Variants in SELENOI observed in about 807,000 individuals in gnomAD.
SELENOI encodes the protein selenoprotein I.
A neutral mutation model predicts 50.7 loss-of-function variants in SELENOI; 24 were observed. The ratio of observed to expected loss-of-function variants is 0.47; its 90% confidence interval spans 0.34 to 0.67. The LOEUF is 0.67. Among genes scored for constraint, SELENOI ranks in the 30% least tolerant of loss-of-function variants. The pLI, the probability that SELENOI is intolerant of heterozygous loss-of-function variation, is 0.01. For missense variants in SELENOI, 352 were observed against 461.4 expected, an observed-to-expected ratio of 0.76 and a Z score of 2.17; for synonymous variants, 155 against 170.2, an observed-to-expected ratio of 0.91 and a Z score of 0.70.
intron 7 of SELENOI, 35 bp from the exon 8 acceptor site, chr2:26,384,924 T>C (rs558632171): frequency 6.7e-7 from 1 of 1,482,642 alleles, no homozygotes; most frequent in South Asian, 1.2e-5. Context: ...TTATATGTAA[T>C]AATGTTCTTT....
chr2:26,366,315 A>T (rs1044971561), intron 3 of SELENOI, among the ~76,000 whole-genome samples: 2 of 152,000 alleles, frequency 1.3e-5, no homozygotes, highest in Non-Finnish European at 2.9e-5. Context: ...GTTTTTAAAA[A>T]TTTATTTATT....
At chr2:26,363,939 A>T (rs1371246926) in intron 1 of SELENOI, among the ~76,000 whole-genome samples, 9 of 152,104 alleles carry the variant, frequency 5.9e-5, no homozygotes, top group Admixed American at 1.3e-4. Flanking sequence ...ACAGGGTTTC[A>T]CCACGTTGGC....
In SELENOI at chr2:26,348,693, T is replaced by C. The variant is rs1040334012; in HGVS notation, c.57+2404T>C. ...AAGAGGGCAGGCCCTATGGCTGACT[T>C]TTTTTTTTTTTTCTTTAATAACATG... On this transcript the variant is annotated intron_variant, in intron 1 of 9. Coordinates refer to ENST00000260585, the MANE Select transcript of SELENOI (RefSeq NM_033505.4). Among the ~76,000 whole-genome samples, 6 of 57,932 alleles carry C rather than the reference T, an allele frequency of 1.0e-4. No individual in the cohort carries two copies. The East Asian group carries it at 1.2e-3, about 12-fold the overall frequency. The allele number at this position is 57,932 out of a possible 152,430, so 38.0% of individuals were successfully genotyped here. A position where few individuals can be genotyped will look rare whatever the true frequency, so the allele number is the denominator to read the frequency against.
Position 26,370,022 on chromosome 2 carries a change from T to G in SELENOI, c.310+2802T>G, listed in dbSNP as rs541090614. Reference sequence around the variant, plus strand: ...ACCCTGTGGCCTTCCGCAGCGTTTGTGTCCCTGGGTACTTGAGATTAGGGA... The same window carrying G: ...ACCCTGTGGCCTTCCGCAGCGTTTGGGTCCCTGGGTACTTGAGATTAGGGA... On this transcript the variant is annotated intron_variant, in intron 4 of 9. Transcript: ENST00000260585. 7.4e-3 allele frequency among the ~76,000 whole-genome samples: 1,109 copies of G among 149,986 alleles called. 16 individuals carry two copies. Among genetic ancestry groups the G allele is most frequent in the African/African-American group, 0.026 (1,041 of 39,972 alleles).
At position 26,389,398 on chromosome 2, in the gene SELENOI, G is replaced by T. The variant is rs1051763065; in HGVS notation, c.*295G>T. Reference sequence around the variant, plus strand: ...GTTTACAATGTTGTGATTCATGCAGGGTTAAAGATGCTTTGTTTTTATTTT... The same window carrying T: ...GTTTACAATGTTGTGATTCATGCAGTGTTAAAGATGCTTTGTTTTTATTTT... On this transcript the variant is annotated 3_prime_UTR_variant, in exon 10 of 10. Transcript: ENST00000260585. 2.6e-5 allele frequency: 6 copies of T among 233,030 alleles called. No homozygotes were observed. The highest frequency in any genetic ancestry group is 5.0e-5 in the Non-Finnish European group (6 of 119,018). The allele number at this position is 233,030 out of a possible 1,614,324, so 14.4% of individuals were successfully genotyped here.
intron 2 of SELENOI, 115 bp from the exon 3 acceptor site, chr2:26,364,716 TC>T: frequency 1.5e-6 from 1 of 686,576 alleles, no homozygotes; most frequent in African/African-American, 1.8e-5. Context: ...CTATAACTTC[TC>T]CATATGATCT....
chr2:26,375,182 A>G (rs1432277631), intron 6 of SELENOI, 34 bp downstream of exon 6: 2 of 1,382,576 alleles, frequency 1.4e-6, no homozygotes, highest in African/African-American at 1.5e-5. Context: ...TGTTTTAACC[A>G]TCACTTTGTT....
At chr2:26,356,557 C>T (rs1677068651) in intron 1 of SELENOI, among the ~76,000 whole-genome samples, 1 of 152,170 alleles carries the variant, frequency 6.6e-6, no homozygotes, top group Non-Finnish European at 1.5e-5. Context: ...CTAATCTTCT[C>T]AAAAATGGAC....
At chr2:26,380,839 T>G (rs763827843) in intron 6 of SELENOI, among the ~76,000 whole-genome samples, 6 of 152,176 alleles carry the variant, frequency 3.9e-5, no homozygotes, top group Non-Finnish European at 7.3e-5. Context: ...AGAAATGATG[T>G]GTCTGTACAG....
At chr2:26,380,121 C>T (rs61011582) in intron 6 of SELENOI, among the ~76,000 whole-genome samples, 14,153 of 152,170 alleles carry the variant, frequency 0.093, 1,651 homozygotes, top group East Asian at 0.57. Flanking sequence ...GAATTACTTT[C>T]TCTTTTAAAA....
chr2:26,370,922 C>CA (rs1677417621), intron 4 of SELENOI, among the ~76,000 whole-genome samples: 1 of 91,520 alleles, frequency 1.1e-5, no homozygotes, highest in Non-Finnish European at 2.5e-5. Context: ...GCTGGCCGGG[C>CA]GGGGGGCTGA....
intron 1 of SELENOI, among the ~76,000 whole-genome samples, chr2:26,360,333 G>A (rs1383784947): frequency 6.6e-6 from 1 of 152,114 alleles, no homozygotes; most frequent in African/African-American, 2.4e-5. Flanking sequence ...CTTTCTTCCT[G>A]TTTGAACTCA....
At position 26,375,113 on chromosome 2, in the gene SELENOI, T is replaced by G; in HGVS notation, c.647T>G (p.Phe216Cys). 6.2e-7 allele frequency: 1 copy of G among 1,612,584 alleles called. No individual in the cohort carries two copies. Among genetic ancestry groups the G allele is most frequent in the Non-Finnish European group, 8.5e-7 (1 of 1,178,770 alleles). ...TGGTATGAACCTTTCCTGTTTAATT[T>G]CTTATATAGAGACCTATTCACTGCA... The part of the protein sequence containing the change: ...EAWYEPFLFN[F>C]LYRDLFTAMI... Residue 216 changes from phenylalanine (F) to cysteine (C), a missense_variant, in exon 6 of 10, where the codon TTC becomes TGC. By Grantham distance (205) the Phe-to-Cys change is radical. Transcript: ENST00000260585.
chr2:26,358,159 T>G (rs776636672), intron 1 of SELENOI, among the ~76,000 whole-genome samples: 1 of 152,136 alleles, frequency 6.6e-6, no homozygotes, highest in Admixed American at 6.5e-5. Flanking sequence ...TCCCAGCACT[T>G]TGAGAGCCCA....
intron 4 of SELENOI, 77 bp downstream of exon 4, chr2:26,367,297 T>G: frequency 9.0e-7 from 1 of 1,111,680 alleles, no homozygotes; most frequent in Non-Finnish European, 1.3e-6. Flanking sequence ...AAATAACATT[T>G]TCTCCTGTGC....
At chr2:26,372,690 T>C (rs749369508) in intron 4 of SELENOI, among the ~76,000 whole-genome samples, 3 of 152,178 alleles carry the variant, frequency 2.0e-5, no homozygotes, top group Non-Finnish European at 4.4e-5. Context: ...TGAATTACTA[T>C]GGCATGTTCG....
intron 3 of SELENOI, among the ~76,000 whole-genome samples, chr2:26,365,168 G>C (rs1463645854): frequency 6.6e-5 from 10 of 152,130 alleles, no homozygotes; most frequent in Non-Finnish European, 1.2e-4. Flanking sequence ...TCAAAACTTT[G>C]CCTAAAAATG....
Position 26,376,957 on chromosome 2 carries a change from C to T in SELENOI, c.682+1809C>T, listed in dbSNP as rs561507121. ...AGGTTCTCTTTTTATCTTTGGCTTT[C>T]GGAAGTTTGACTGTGATGTACCTAG... On this transcript the variant is annotated intron_variant, in intron 6 of 9. Transcript: ENST00000260585. Among the ~76,000 whole-genome samples the T allele has an allele frequency of 1.7e-4, 26 of 152,180 alleles. No homozygotes were observed. The South Asian group carries it at 1.9e-3, about 11-fold the overall frequency.
chr2:26,367,247 A>G, intron 4 of SELENOI, 27 bp downstream of exon 4: 5 of 1,565,644 alleles, frequency 3.2e-6, no homozygotes, highest in Non-Finnish European at 3.5e-6. Context: ...TACTTACTAT[A>G]GTCAGTGACT....
Sources: allele counts gnomAD v4.1 joint callset (sites outside exome capture counted in the v4.1 genomes callset), GRCh38; gene constraint gnomAD v4.1.1; transcripts MANE v1.5; gene names NCBI Gene and HGNC (gene_info 2026-07-23, HGNC 2026-07-21).